HMGCLL1: variants seen among roughly 807,000 people sequenced by gnomAD.
The protein encoded by HMGCLL1 is 3-hydroxymethyl-3-methylglutaryl-CoA lyase, cytoplasmic.
HMGCLL1 carries 36 observed loss-of-function variants against 39.1 expected under a neutral mutation model. The observed-to-expected ratio is 0.92, with a 90% CI of 0.71 to 1.22. The LOEUF is 1.22. HMGCLL1 is among the 50% of genes most tolerant of loss of function. The pLI is 0.00. For missense variants in HMGCLL1, 451 were observed against 416.5 expected (o/e 1.08, Z -0.72); for synonymous variants, 149 against 144.0 (o/e 1.03, Z -0.25).
the HMGCLL1 span, among the ~76,000 whole-genome samples, chr6:55,597,792 C>A: frequency 6.6e-6 from 1 of 152,062 alleles, no homozygotes; most frequent in African/African-American, 2.4e-5. Context: ...ATGGCCAGCA[C>A]AACTTTACAA....
At chr6:55,670,444 T>C in the HMGCLL1 span, among the ~76,000 whole-genome samples, 10 of 152,018 alleles carry the variant, frequency 6.6e-5, no homozygotes, top group South Asian at 1.9e-3. Flanking sequence ...ATCTGAGTTA[T>C]GTTACATTTT....
the HMGCLL1 span, among the ~76,000 whole-genome samples, chr6:55,631,662 T>C: frequency 6.6e-6 from 1 of 152,132 alleles, no homozygotes; most frequent in African/African-American, 2.4e-5. Flanking sequence ...AACAATGCAA[T>C]AATTCATTGA....
chr6:55,538,840 A>C (rs1229299268), intron 3 of HMGCLL1, among the ~76,000 whole-genome samples: 1 of 151,354 alleles, frequency 6.6e-6, no homozygotes, highest in East Asian at 1.9e-4. Flanking sequence ...ACACATACAC[A>C]CACACACACA....
chr6:55,435,762 C>A lies in HMGCLL1; in HGVS notation c.923G>T (p.Gly308Val). 6 of 1,539,816 alleles carry A rather than the reference C, an allele frequency of 3.9e-6. No homozygotes were observed. The highest frequency in any genetic ancestry group is 5.3e-6 in the Non-Finnish European group (6 of 1,128,550). ...TTCCATCACTTTGTATAGATTCACA[C>A]CCTGGTGACGAAATGAAGGAATATC... is the stretch of plus-strand genomic sequence containing the variant. Reference protein sequence around the residue: ...YMLNGLGLNTGVNLYKVMEAG... With the variant: ...YMLNGLGLNTVVNLYKVMEAG... The change falls in exon 9 of 9, where the codon GGT becomes GTT. Residue 308 changes from glycine (G) to valine (V), a missense_variant and splice_region_variant. Transcript: ENST00000274901.
intron 3 of HMGCLL1, among the ~76,000 whole-genome samples, chr6:55,530,740 T>A (rs1188055681): frequency 1.3e-5 from 2 of 152,188 alleles, no homozygotes; most frequent in Non-Finnish European, 2.9e-5. Flanking sequence ...TGTTTATCTT[T>A]CTAAGTCTCT....
At chr6:55,510,627 T>C (rs539475044) in intron 5 of HMGCLL1, among the ~76,000 whole-genome samples, 60 of 106,720 alleles carry the variant, frequency 5.6e-4, no homozygotes, top group African/African-American at 2.1e-3. Context: ...AACATCACAC[T>C]CTGGGGACTG....
chr6:55,641,940 G>C, the HMGCLL1 span, among the ~76,000 whole-genome samples: 1 of 134,510 alleles, frequency 7.4e-6, no homozygotes, highest in Non-Finnish European at 1.6e-5. Flanking sequence ...TAAGTTTTAG[G>C]GTACATGTGC....
chr6:55,632,654 T>A, the HMGCLL1 span, among the ~76,000 whole-genome samples: 1 of 152,050 alleles, frequency 6.6e-6, no homozygotes, highest in African/African-American at 2.4e-5. Flanking sequence ...CTACTTATTA[T>A]ATCAATTGAG....
the HMGCLL1 span, among the ~76,000 whole-genome samples, chr6:55,660,402 T>A: frequency 1.8e-4 from 28 of 151,962 alleles, no homozygotes; most frequent in Admixed American, 5.9e-4. Flanking sequence ...TGGTGTCTAT[T>A]TTTCCCCTCT....
intron 3 of HMGCLL1, among the ~76,000 whole-genome samples, chr6:55,531,747 G>A (rs1768689707): frequency 6.6e-6 from 1 of 151,900 alleles, no homozygotes; most frequent in South Asian, 2.1e-4. Context: ...ATCCACCTCC[G>A]GTCAGATCAG....
chr6:55,626,005 A>G, the HMGCLL1 span, among the ~76,000 whole-genome samples: 1 of 152,116 alleles, frequency 6.6e-6, no homozygotes, highest in East Asian at 1.9e-4. Context: ...GAGGTTATGC[A>G]TGCACTCAGT....
chr6:55,467,408 G>A (rs1291623784), intron 7 of HMGCLL1, among the ~76,000 whole-genome samples: 2 of 151,956 alleles, frequency 1.3e-5, no homozygotes, highest in Admixed American at 6.6e-5. Flanking sequence ...TGCCACCTAA[G>A]TGGATACTAT....
At chr6:55,445,466 A>C (rs1763781800) in intron 7 of HMGCLL1, among the ~76,000 whole-genome samples, 1 of 152,074 alleles carries the variant, frequency 6.6e-6, no homozygotes, top group Non-Finnish European at 1.5e-5. Flanking sequence ...TATTATAAAG[A>C]GTGGAAAGAC....
At chr6:55,463,196 AT>A (rs1312868701) in intron 7 of HMGCLL1, among the ~76,000 whole-genome samples, 1 of 151,336 alleles carries the variant, frequency 6.6e-6, no homozygotes, top group African/African-American at 2.4e-5. Context: ...TGCCTGGCTA[AT>A]TTTTTTCTAT....
intron 3 of HMGCLL1, among the ~76,000 whole-genome samples, chr6:55,520,763 C>T (rs1032752580): frequency 2.6e-5 from 4 of 151,766 alleles, no homozygotes; most frequent in African/African-American, 4.8e-5. Flanking sequence ...TTTTTTCAGA[C>T]GTTGCAGTGA....
intron 7 of HMGCLL1, among the ~76,000 whole-genome samples, chr6:55,491,764 C>G (rs956665036): frequency 1.3e-5 from 2 of 152,148 alleles, no homozygotes; most frequent in South Asian, 4.1e-4. Flanking sequence ...AAATGCTGTA[C>G]GTTTTGTCAC....
chr6:55,516,572 A>G lies in HMGCLL1; in HGVS notation c.329T>C (p.Ile110Thr). 1 of 1,602,042 alleles carries G rather than the reference A, an allele frequency of 6.2e-7. No homozygotes were observed. The highest frequency in any genetic ancestry group is 8.5e-7 in the Non-Finnish European group (1 of 1,171,690). The change falls in exon 4 of 9, where the codon ATT becomes ACT. Residue 110 changes from isoleucine to threonine, a missense_variant. Ile to Thr is a moderately conservative substitution (Grantham distance 89). Transcript: ENST00000274901. ...MADHTEVMKGIHQYPGVRYPV... is the reference protein window; with the variant it reads ...MADHTEVMKGTHQYPGVRYPV... ...ATAGCGAACTCCTGGATATTGATGA[A>G]TGCCTTTCATTACTTCAGTGTGATC...
In HMGCLL1 at chr6:55,559,196, A is replaced by C. The variant is rs139570216; in HGVS notation, c.109-17056T>G. On this transcript the variant is annotated intron_variant, in intron 1 of 8. Coordinates refer to ENST00000274901, the MANE Select transcript of HMGCLL1 (RefSeq NM_001042406.2). ...TTCCCGCCAAAAAAAGTCCACGAAA[A>C]CGTTTTGCTCCCCTAAGTTTTAGTG... Among the ~76,000 whole-genome samples, 525 of 152,300 alleles carry C rather than the reference A, an allele frequency of 3.4e-3. 3 individuals carry two copies. Among genetic ancestry groups the C allele is most frequent in the African/African-American group, 0.012 (486 of 41,570 alleles).
chr6:55,653,817 C>G, the HMGCLL1 span, among the ~76,000 whole-genome samples: 1 of 151,808 alleles, frequency 6.6e-6, no homozygotes, highest in Non-Finnish European at 1.5e-5. Flanking sequence ...CAGCATAGCA[C>G]CAAAGTACCT....
Sources: gnomAD v4.1 joint callset for allele counts (sites outside exome capture counted in the v4.1 genomes callset) on GRCh38, gnomAD v4.1.1 for gene constraint, MANE v1.5 for transcripts, NCBI Gene and HGNC (gene_info 2026-07-23, HGNC 2026-07-21) for gene names.